SETD1B: variants seen among roughly 807,000 people sequenced by gnomAD.
SETD1B encodes histone-lysine N-methyltransferase SETD1B.
Under a neutral mutation model 148.0 loss-of-function variants are expected in SETD1B, and 7 were observed. The observed-to-expected ratio is 0.05, with a 90% CI of 0.03 to 0.09. The LOEUF (loss-of-function observed/expected upper bound fraction) is 0.09. Ranked by LOEUF, SETD1B falls within the 10% of genes least tolerant of loss-of-function variation. The pLI, the probability that SETD1B is intolerant of heterozygous loss-of-function variation, is 1.00. For synonymous variants in SETD1B, 1,361 were observed against 1,186.5 expected (o/e 1.15, Z -3.02); for missense variants, 2,155 against 2,729.9 (o/e 0.79, Z 4.69).
intron 4 of SETD1B, among the ~76,000 whole-genome samples, chr12:121,807,541 A>G (rs1288803854): frequency 1.3e-5 from 2 of 152,152 alleles, no homozygotes; most frequent in Non-Finnish European, 2.9e-5. Context: ...AGAGACCAGT[A>G]AAGTGTAGCT....
chr12:121,815,970 G>C (rs1876276123), intron 7 of SETD1B, among the ~76,000 whole-genome samples: 1 of 151,574 alleles, frequency 6.6e-6, no homozygotes, highest in African/African-American at 2.4e-5. Flanking sequence ...TGGGACTATA[G>C]GCACCCACTA....
intron 6 of SETD1B, among the ~76,000 whole-genome samples, chr12:121,811,897 C>T (rs113689651): frequency 1.3e-4 from 20 of 152,150 alleles, no homozygotes; most frequent in Admixed American, 2.6e-4. Flanking sequence ...GGCAGGGGGC[C>T]TTGGCAGGGG....
At chr12:121,826,042 T>C (rs1041908942) in intron 13 of SETD1B, among the ~76,000 whole-genome samples, 13 of 152,144 alleles carry the variant, frequency 8.5e-5, no homozygotes, top group African/African-American at 3.1e-4. Context: ...AACCAAATCC[T>C]ATTCCTCGTG....
In SETD1B at chr12:121,814,376, C is replaced by A; in HGVS notation, c.2161C>A (p.Pro721Thr). 2 of 1,149,928 alleles carry A rather than the reference C, an allele frequency of 1.7e-6. No individual in the cohort carries two copies. Among genetic ancestry groups the A allele is most frequent in the Non-Finnish European group, 2.3e-6 (2 of 851,598 alleles). The allele number at this position is 1,149,928 out of a possible 1,614,324, so 71.2% of individuals were successfully genotyped here. A position where few individuals can be genotyped will look rare whatever the true frequency, so the allele number is the denominator to read the frequency against. Residue 721 changes from proline to threonine, a missense_variant, in exon 7 of 17, where the codon CCT (proline) becomes ACT (threonine). By Grantham distance (38) the Pro-to-Thr change is conservative (BLOSUM62 -1). Coordinates refer to ENST00000604567, the MANE Select transcript of SETD1B (RefSeq NM_001353345.2). ...GCCGCCCCCACCCCCTCCAGCCCACCCTGCTGTGACAGTGCCCCCACCACC... is the reference window on the plus strand; with the variant it reads ...GCCGCCCCCACCCCCTCCAGCCCACACTGCTGTGACAGTGCCCCCACCACC... ...PPPPPPPPAH[P>T]AVTVPPPPLP...
chr12:121,811,176 A>G (rs1214580265), intron 6 of SETD1B, among the ~76,000 whole-genome samples: 1 of 152,160 alleles, frequency 6.6e-6, no homozygotes, highest in African/African-American at 2.4e-5. Context: ...TTCAGAGAGT[A>G]TGAGCTGTGG....
At chr12:121,801,844 CAAAAGGCG>C (rs1414912922), upstream of SETD1B, 1 of 152,162 alleles carries the variant, frequency 6.6e-6, no homozygotes, top group Non-Finnish European at 1.5e-5. Context: ...CATTAAGAGA[CAAAAGGCG>C]AAAATACAGT....
Position 121,814,436 on chromosome 12 carries a change from A to T in SETD1B, c.2221A>T (p.Ile741Phe). 1.1e-6 allele frequency: 1 copy of T among 934,984 alleles called. No homozygotes were observed. The highest frequency in any genetic ancestry group is 1.4e-6 in the Non-Finnish European group (1 of 707,814). 57.9% of individuals were successfully genotyped at this position (934,984 alleles called of 1,614,324 possible). The stretch of plus-strand genomic sequence containing the variant: ...GCCGCCTGGAGTCCCGCCCCCACCC[A>T]TCCTGCCACCACTGCCCCCCTTTCC... ...PAPPGVPPPP[I>F]LPPLPPFPPG... Residue 741 changes from isoleucine to phenylalanine, a missense_variant, in exon 7 of 17, where the codon ATC (isoleucine) becomes TTC (phenylalanine). By Grantham distance (21) the Ile-to-Phe change is conservative (BLOSUM62 0). Transcript: ENST00000604567.
intron 4 of SETD1B, among the ~76,000 whole-genome samples, chr12:121,807,355 C>G (rs1875793895): frequency 6.6e-6 from 1 of 151,332 alleles, no homozygotes; most frequent in Non-Finnish European, 1.5e-5. Flanking sequence ...CGATTTCTCC[C>G]TGATAATTGA....
intron 16 of SETD1B, among the ~76,000 whole-genome samples, chr12:121,828,910 C>T (rs1049924478): frequency 1.3e-5 from 2 of 152,230 alleles, no homozygotes; most frequent in South Asian, 4.1e-4. Flanking sequence ...TTCGTTGTGA[C>T]TTGATCCTTG....
chr12:121,819,293 G>A, intron 10 of SETD1B, 111 bp from the exon 11 acceptor site: 1 of 1,505,774 alleles, frequency 6.6e-7, no homozygotes, highest in Non-Finnish European at 8.8e-7. Flanking sequence ...ACATATCTGA[G>A]GGCCGTGTTC....
chr12:121,806,108 G>T lies in SETD1B; in HGVS notation c.544+3G>T, dbSNP rs1160469887. ...CCACGTGGAGCTGGACACCAAAGGTGAGCCTGGCAGGGGAGGAGCGTGGGG... is the reference window on the plus strand; with the variant it reads ...CCACGTGGAGCTGGACACCAAAGGTTAGCCTGGCAGGGGAGGAGCGTGGGG... On this transcript the variant is annotated splice_donor_region_variant and intron_variant, in intron 4 of 16. Transcript: ENST00000604567. 6.4e-7 allele frequency: 1 copy of T among 1,550,646 alleles called. No individual in the cohort carries two copies. The highest frequency in any genetic ancestry group is 1.4e-5 in the African/African-American group (1 of 73,034).
At position 121,831,447 on chromosome 12, in the gene SETD1B, A is replaced by G. The variant is rs996888044; in HGVS notation, c.*1208A>G. On this transcript the variant is annotated 3_prime_UTR_variant, in exon 17 of 17. Transcript: ENST00000604567. The stretch of plus-strand genomic sequence containing the variant: ...TCCCATCTCTTCAGAATTTATTCCC[A>G]TGGCTTTTTTTTTTCTTGTGCGTGT... 4.6e-5 allele frequency: 7 copies of G among 150,636 alleles called. No individual in the cohort carries two copies. Among genetic ancestry groups the G allele is most frequent in the South Asian group, 2.1e-4 (1 of 4,686 alleles). 9.3% of individuals were successfully genotyped at this position (150,636 alleles called of 1,614,324 possible).
chr12:121,801,535 G>A (rs1248950295), upstream of SETD1B: 3 of 152,638 alleles, frequency 2.0e-5, no homozygotes, highest in Admixed American at 2.0e-4. Flanking sequence ...GGGTTTCCTC[G>A]AAGGGGCAAA....
At chr12:121,798,492 G>A in the SETD1B span, among the ~76,000 whole-genome samples, 1 of 152,212 alleles carries the variant, frequency 6.6e-6, no homozygotes, top group Non-Finnish European at 1.5e-5. Context: ...AGCTTGGGAG[G>A]AGGGCCTCTT....
intron 12 of SETD1B, 50 bp from the exon 13 acceptor site, chr12:121,825,150 G>A: frequency 1.3e-6 from 2 of 1,536,376 alleles, no homozygotes; most frequent in Middle Eastern, 1.7e-4. Flanking sequence ...TCTATGAAGG[G>A]ACCAGAAGGG....
chr12:121,827,033 C>T (rs1373905599), intron 13 of SETD1B, among the ~76,000 whole-genome samples: 1 of 151,984 alleles, frequency 6.6e-6, no homozygotes, highest in Non-Finnish European at 1.5e-5. Context: ...TAAGTGTAGG[C>T]ATCGCCAGGA....
chr12:121,825,264 C>G lies in SETD1B; in HGVS notation c.5235C>G (p.Gly1745=), dbSNP rs1381120916. Reference sequence around the variant, plus strand: ...ATGGCATCCGCGAGCACGTGACGGGCTGTGCCCGCAGTGAGGGCTTCTACA... The same window carrying G: ...ATGGCATCCGCGAGCACGTGACGGGGTGTGCCCGCAGTGAGGGCTTCTACA... ...RDDGIREHVT[G]CARSEGFYTI... Residue 1745 remains glycine (G), a synonymous_variant, in exon 13 of 17, where the codon GGC becomes GGG. Transcript: ENST00000604567. 6.4e-7 allele frequency: 1 copy of G among 1,551,808 alleles called. No individual in the cohort carries two copies. The highest frequency in any genetic ancestry group is 1.2e-5 in the South Asian group (1 of 84,064).
chr12:121,823,328 A>AG lies in SETD1B; in HGVS notation c.4749_4750insG (p.Pro1584AlafsTer24). 1 of 778,868 alleles carries AG rather than the reference A, an allele frequency of 1.3e-6. No homozygotes were observed. Among genetic ancestry groups the AG allele is most frequent in the Non-Finnish European group, 1.8e-6 (1 of 558,198 alleles). The allele number at this position is 778,868 out of a possible 1,614,324, so 48.2% of individuals were successfully genotyped here. A position where few individuals can be genotyped will look rare whatever the true frequency, so the allele number is the denominator to read the frequency against. On this transcript the variant is annotated frameshift_variant, in exon 12 of 17. Coordinates refer to ENST00000604567, the MANE Select transcript of SETD1B (RefSeq NM_001353345.2). LOFTEE classifies it high-confidence loss of function. ...GGAACGCGGGGATCCCAGCCCCTCC[A>AG]CCACCCCTTCCCCCCCAGCCACCCC...
rs1032983393 is a variant in SETD1B, at chr12:121,828,961, C to G, written c.5727+891C>G. 2.4e-4 allele frequency among the ~76,000 whole-genome samples: 37 copies of G among 152,082 alleles called. 1 individual carries two copies. ...CTTTCCTGTGAATATCCGGGGAGAT[C>G]TGAGGGGTGAGAGGGAATTGCCCAG... is the stretch of plus-strand genomic sequence containing the variant. On this transcript the variant is annotated intron_variant, in intron 16 of 16. Coordinates refer to ENST00000604567, the MANE Select transcript of SETD1B (RefSeq NM_001353345.2).
Sources: allele counts gnomAD v4.1 joint callset (sites outside exome capture counted in the v4.1 genomes callset), GRCh38; gene constraint gnomAD v4.1.1; transcripts MANE v1.5; gene names NCBI Gene and HGNC (gene_info 2026-07-23, HGNC 2026-07-21).